The following ARMC2 variants were observed in gnomAD, a reference collection of about 807,000 sequenced individuals.
ARMC2 encodes the protein armadillo repeat-containing protein 2.
In ARMC2, 67 loss-of-function variants were observed where a neutral mutation model predicts 90.3. The observed-to-expected ratio is 0.74, with a 90% CI of 0.61 to 0.91. The LOEUF (loss-of-function observed/expected upper bound fraction) is 0.91, where lower values mean the gene tolerates loss of function less well. ARMC2 is among the 40% of genes least tolerant of loss of function. ARMC2 has a pLI of 0.00. For synonymous variants in ARMC2, 393 were observed against 393.0 expected (o/e 1.00, Z 0.00); for missense variants, 920 against 1,030.9 (o/e 0.89, Z 1.47).
At chr6:108,876,446 C>A in intron 5 of ARMC2, 96 bp downstream of exon 5, 1 of 1,324,302 alleles carries the variant, frequency 7.6e-7, no homozygotes, top group Non-Finnish European at 1.0e-6. Context: ...TGCTTTTTCT[C>A]TTTTATGTAA....
At chr6:108,919,243 A>G (rs900310150) in intron 10 of ARMC2, among the ~76,000 whole-genome samples, 2 of 152,206 alleles carry the variant, frequency 1.3e-5, no homozygotes, top group Admixed American at 6.5e-5. Context: ...TGCTTTAGTT[A>G]TGTTTCATAG....
intron 10 of ARMC2, among the ~76,000 whole-genome samples, chr6:108,919,003 G>A (rs1774275097): frequency 6.6e-6 from 1 of 152,224 alleles, no homozygotes; most frequent in Admixed American, 6.5e-5. Flanking sequence ...GATAAGCAAT[G>A]TAGAGAAGAG....
intron 12 of ARMC2, among the ~76,000 whole-genome samples, chr6:108,937,294 CT>C (rs1474588875): frequency 6.6e-6 from 1 of 151,806 alleles, no homozygotes. Flanking sequence ...TGGGAGTCAC[CT>C]TGGGGTGGGG....
chr6:108,940,576 A>C (rs1336183003), intron 12 of ARMC2, among the ~76,000 whole-genome samples: 1 of 152,136 alleles, frequency 6.6e-6, no homozygotes, highest in East Asian at 1.9e-4. Flanking sequence ...TTTACTGTAC[A>C]TGTGGCTAGC....
intron 10 of ARMC2, among the ~76,000 whole-genome samples, chr6:108,927,445 C>G (rs1198967046): frequency 6.6e-6 from 1 of 152,180 alleles, no homozygotes; most frequent in Admixed American, 6.5e-5. Context: ...AAGGAAGGAG[C>G]ACACTGCATA....
the ARMC2 span, among the ~76,000 whole-genome samples, chr6:109,041,269 G>A: frequency 6.6e-6 from 1 of 151,930 alleles, no homozygotes; most frequent in African/African-American, 2.4e-5. Context: ...TTGTGATTGT[G>A]CCAGTCTGGG....
rs145497084 is a variant in ARMC2 at position 108,964,137 on chromosome 6, T to C, written c.2153-43T>C. The C allele has an allele frequency of 1.5e-3, 2,396 of 1,589,098 alleles. 42 individuals are homozygous for C. In the African/African-American group the frequency reaches 0.029, roughly 19 times the overall value. ...CTGTAAAACAAGAGACAGCTGGGAA[T>C]CCTGAACTTTTACTGGTCTGCATTT... On this transcript the variant is annotated intron_variant, in intron 15 of 17. Transcript: ENST00000392644.
In ARMC2 at chr6:108,854,277, C is replaced by T; in HGVS notation, c.10C>T (p.Pro4Ser). 6.2e-7 allele frequency: 1 copy of T among 1,604,838 alleles called. No individual in the cohort carries two copies. The highest frequency in any genetic ancestry group is 8.5e-7 in the Non-Finnish European group (1 of 1,175,522). Residue 4 changes from proline (P) to serine (S), a missense_variant, in exon 2 of 18, where the codon CCA becomes TCA. Physicochemically the swap from Pro to Ser is moderately conservative, Grantham distance 74 (BLOSUM62 -1). Transcript: ENST00000392644. ...TACTTTCAAAGGAAAGATGCTGTCT[C>T]CAAATGATAAAATGTTAGGAAAACT... is the stretch of plus-strand genomic sequence containing the variant. MLS[P>S]NDKMLGKLDP...
intron 6 of ARMC2, among the ~76,000 whole-genome samples, chr6:108,899,100 C>G (rs1466379287): frequency 6.6e-6 from 1 of 152,152 alleles, no homozygotes; most frequent in Admixed American, 6.5e-5. Flanking sequence ...GAAACAGAGA[C>G]TCAGGAAGGA....
chr6:109,000,764 T>A, the ARMC2 span: 2 of 1,074,120 alleles, frequency 1.9e-6, no homozygotes, highest in Non-Finnish European at 2.4e-6. Context: ...GCTAATTAAG[T>A]TTATTAGTAT....
At chr6:108,849,053 G>A (rs75705221) in intron 1 of ARMC2, among the ~76,000 whole-genome samples, 2,111 of 152,300 alleles carry the variant, frequency 0.014, 18 homozygotes, top group African/African-American at 0.024. Flanking sequence ...TAGGCAGGCG[G>A]TGACCGGGCC....
At chr6:109,009,087 G>T in the ARMC2 span, 1 of 827,822 alleles carries the variant, frequency 1.2e-6, no homozygotes, top group Non-Finnish European at 1.6e-6. Flanking sequence ...CATGACCGCG[G>T]CCGCAGTCTC....
At chr6:108,949,330 T>C (rs1777021845) in intron 12 of ARMC2, among the ~76,000 whole-genome samples, 1 of 152,170 alleles carries the variant, frequency 6.6e-6, no homozygotes, top group African/African-American at 2.4e-5. Context: ...GTTAAAGAAA[T>C]GGAAGTTATC....
intron 7 of ARMC2, among the ~76,000 whole-genome samples, chr6:108,902,395 A>G (rs1284955491): frequency 6.6e-6 from 1 of 152,222 alleles, no homozygotes; most frequent in African/African-American, 2.4e-5. Context: ...TGTGGAAGGA[A>G]GTCTTAGAAA....
chr6:108,900,370 C>T (rs1285172399), intron 7 of ARMC2, among the ~76,000 whole-genome samples: 4 of 151,960 alleles, frequency 2.6e-5, no homozygotes. Flanking sequence ...GTAGGGAAAG[C>T]GTGTCATGGG....
chr6:109,001,379 T>C, the ARMC2 span: 1 of 1,613,886 alleles, frequency 6.2e-7, no homozygotes, highest in Admixed American at 1.7e-5. Flanking sequence ...TTCTAAATAT[T>C]GTGGGTGGAA....
At chr6:108,991,710 T>C in the ARMC2 span, among the ~76,000 whole-genome samples, 2 of 152,226 alleles carry the variant, frequency 1.3e-5, no homozygotes, top group Non-Finnish European at 2.9e-5. Flanking sequence ...CCTACTTCTT[T>C]GTTGCTTTCC....
chr6:108,999,296 T>C, the ARMC2 span, among the ~76,000 whole-genome samples: 7 of 152,326 alleles, frequency 4.6e-5, no homozygotes, highest in South Asian at 1.2e-3. Flanking sequence ...TTATCTATTT[T>C]GTAATCTTGT....
At chr6:108,888,006 C>T (rs980964704) in intron 5 of ARMC2, among the ~76,000 whole-genome samples, 13 of 152,176 alleles carry the variant, frequency 8.5e-5, no homozygotes, top group African/African-American at 3.1e-4. Context: ...ACCACTGTGA[C>T]GTGACCACCA....
Sources: gnomAD v4.1 joint callset for allele counts (sites outside exome capture counted in the v4.1 genomes callset) on GRCh38, gnomAD v4.1.1 for gene constraint, MANE v1.5 for transcripts, NCBI Gene and HGNC (gene_info 2026-07-23, HGNC 2026-07-21) for gene names.